Variants in HPSE2 observed in about 807,000 individuals in gnomAD.
HPSE2 encodes the protein inactive heparanase-2.
A neutral mutation model predicts 60.5 loss-of-function variants in HPSE2; 38 were observed. The ratio of observed to expected loss-of-function variants is 0.63; its 90% CI spans 0.48 to 0.82. The LOEUF (loss-of-function observed/expected upper bound fraction) is 0.82, where lower values mean the gene tolerates loss of function less well. HPSE2 is among the 40% of genes least tolerant of loss of function. The pLI, the probability that HPSE2 is intolerant of heterozygous loss-of-function variation, is 0.00. For missense variants in HPSE2, 713 were observed against 740.4 expected, an observed-to-expected ratio of 0.96 and a Z score of 0.43; for synonymous variants, 295 against 293.2, an observed-to-expected ratio of 1.01 and a Z score of -0.06.
chr10:99,032,928 T>C (rs1441455443), intron 3 of HPSE2, among the ~76,000 whole-genome samples: 1 of 152,210 alleles, frequency 6.6e-6, no homozygotes, highest in Non-Finnish European at 1.5e-5. Flanking sequence ...ACACTGGATC[T>C]ACCTAGACAA....
chr10:98,755,056 C>T (rs111928215), intron 3 of HPSE2, among the ~76,000 whole-genome samples: 5,857 of 151,942 alleles, frequency 0.039, 181 homozygotes, highest in East Asian at 0.12. Flanking sequence ...CAGCTAAACG[C>T]CCCACAAAAA....
chr10:98,646,333 T>C (rs1400739769), intron 6 of HPSE2, among the ~76,000 whole-genome samples: 1 of 149,374 alleles, frequency 6.7e-6, no homozygotes, highest in Non-Finnish European at 1.5e-5. Flanking sequence ...TTTTTTTTTT[T>C]TTAAAAAAAC....
intron 9 of HPSE2, among the ~76,000 whole-genome samples, chr10:98,495,571 T>C (rs1219647750): frequency 6.6e-6 from 1 of 152,188 alleles, no homozygotes; most frequent in Non-Finnish European, 1.5e-5. Flanking sequence ...TTTTCTTCAA[T>C]CTTTTTTCTT....
At chr10:98,716,341 A>G (rs1339548213) in intron 5 of HPSE2, among the ~76,000 whole-genome samples, 3 of 152,002 alleles carry the variant, frequency 2.0e-5, no homozygotes, top group Non-Finnish European at 1.5e-5. Context: ...ATGCTATTTC[A>G]TCTAGCATTA....
the HPSE2 span, among the ~76,000 whole-genome samples, chr10:99,306,883 T>C: frequency 6.6e-6 from 1 of 152,112 alleles, no homozygotes; most frequent in African/African-American, 2.4e-5. Context: ...GCTAATTTTG[T>C]ATTTTTAGTA....
chr10:99,061,856 A>T (rs1173174712), intron 3 of HPSE2, among the ~76,000 whole-genome samples: 1 of 152,212 alleles, frequency 6.6e-6, no homozygotes, highest in Non-Finnish European at 1.5e-5. Context: ...AAATAAATTC[A>T]TAAGGTAGGA....
intron 3 of HPSE2, among the ~76,000 whole-genome samples, chr10:99,038,920 T>G (rs1957671970): frequency 6.6e-6 from 1 of 152,036 alleles, no homozygotes; most frequent in African/African-American, 2.4e-5. Flanking sequence ...AATTTTAGAG[T>G]TGAAAAGAAA....
intron 9 of HPSE2, among the ~76,000 whole-genome samples, chr10:98,588,156 C>G (rs1470586032): frequency 2.0e-5 from 3 of 152,142 alleles, no homozygotes; most frequent in Non-Finnish European, 4.4e-5. Flanking sequence ...AGTTTTTTCT[C>G]TCTAAATTGT....
At chr10:99,171,525 T>C (rs1847308442) in intron 2 of HPSE2, among the ~76,000 whole-genome samples, 1 of 152,110 alleles carries the variant, frequency 6.6e-6, no homozygotes, top group Non-Finnish European at 1.5e-5. Flanking sequence ...TCTAGGATTA[T>C]CCCAATATCA....
intron 7 of HPSE2, among the ~76,000 whole-genome samples, chr10:98,634,944 G>A (rs1009483135): frequency 6.6e-6 from 1 of 152,152 alleles, no homozygotes; most frequent in African/African-American, 2.4e-5. Flanking sequence ...GGACTTCCCT[G>A]ATTTCCTTTC....
At chr10:98,539,038 G>A (rs1318220418) in intron 9 of HPSE2, among the ~76,000 whole-genome samples, 1 of 152,164 alleles carries the variant, frequency 6.6e-6, no homozygotes. Context: ...TCAGAATACT[G>A]TTCTCCAGAA....
chr10:98,555,192 C>T (rs1943970750), intron 9 of HPSE2, among the ~76,000 whole-genome samples: 1 of 152,184 alleles, frequency 6.6e-6, no homozygotes, highest in Non-Finnish European at 1.5e-5. Flanking sequence ...CCTCTTGAGC[C>T]ATTTAACAAA....
In HPSE2 at chr10:98,493,556, CTT is replaced by C. The variant is rs1424124944; in HGVS notation, c.1321-3362_1321-3361del. On this transcript the variant is annotated intron_variant, in intron 9 of 11. Transcript: ENST00000370552. ...TAATATATAATTTCCTTCTTTGTCT[CTT>C]ATAATCTTTTAAAATTTAAAATCTA... Among the ~76,000 whole-genome samples the C allele has an allele frequency of 9.2e-5, 14 of 152,170 alleles. No individual in the cohort carries two copies. The East Asian group carries it at 2.7e-3, about 29-fold the overall frequency.
chr10:98,747,548 C>T (rs916402020), intron 3 of HPSE2, among the ~76,000 whole-genome samples: 3 of 152,108 alleles, frequency 2.0e-5, no homozygotes, highest in Admixed American at 2.0e-4. Context: ...ATGGGAGAAA[C>T]AGTATGGATA....
At chr10:99,089,740 A>G (rs1029394128) in intron 3 of HPSE2, among the ~76,000 whole-genome samples, 2 of 152,128 alleles carry the variant, frequency 1.3e-5, no homozygotes, top group African/African-American at 4.8e-5. Context: ...TAGGAATTGC[A>G]TTGAATTTGT....
At chr10:98,853,105 C>G (rs1952222814) in intron 3 of HPSE2, among the ~76,000 whole-genome samples, 1 of 152,204 alleles carries the variant, frequency 6.6e-6, no homozygotes, top group South Asian at 2.1e-4. Flanking sequence ...GAGACATTTT[C>G]ATAAATATCT....
intron 9 of HPSE2, among the ~76,000 whole-genome samples, chr10:98,597,773 C>T (rs549507274): frequency 6.6e-6 from 1 of 151,942 alleles, no homozygotes; most frequent in Admixed American, 6.6e-5. Flanking sequence ...GAGTTTGAGA[C>T]CAGCTTGGCC....
intron 6 of HPSE2, among the ~76,000 whole-genome samples, chr10:98,650,965 G>A (rs1457112244): frequency 6.6e-6 from 1 of 152,184 alleles, no homozygotes; most frequent in Non-Finnish European, 1.5e-5. Context: ...CCTGCATGAT[G>A]TTTCTTATGT....
rs1957710925 is a variant in HPSE2 at position 99,040,420 on chromosome 10, G to T, written c.610+103818C>A. On this transcript the variant is annotated intron_variant, in intron 3 of 11. Coordinates refer to ENST00000370552, the MANE Select transcript of HPSE2 (RefSeq NM_021828.5). ...TTATTAAGAGTGTATCTCTTAATTT[G>T]TATACCAATTTATATTCTCACCAGT... Among the ~76,000 whole-genome samples the T allele has an allele frequency of 2.0e-5, 3 of 151,990 alleles. No homozygotes were observed. The South Asian group carries it at 6.2e-4, about 32-fold the overall frequency.
Sources: gnomAD v4.1 joint callset for allele counts (sites outside exome capture counted in the v4.1 genomes callset) on GRCh38, gnomAD v4.1.1 for gene constraint, MANE v1.5 for transcripts, NCBI Gene and HGNC (gene_info 2026-07-23, HGNC 2026-07-21) for gene names.